ACTR3B: variants seen among roughly 807,000 people sequenced by gnomAD.
ACTR3B encodes actin-related protein 3B.
In ACTR3B, 8 loss-of-function variants were observed where a neutral mutation model predicts 59.0. The ratio of observed to expected loss-of-function variants is 0.14; its 90% CI spans 0.08 to 0.24. The LOEUF (loss-of-function observed/expected upper bound fraction) is 0.24. Among genes scored for constraint, ACTR3B ranks in the 10% least tolerant of loss-of-function variants. The probability of loss-of-function intolerance (pLI) is 1.00; values close to 1 mark genes in which losing one functional copy is unlikely to be tolerated. For synonymous variants in ACTR3B, 148 were observed against 197.9 expected, an observed-to-expected ratio of 0.75 and a Z score of 2.12; for missense variants, 245 against 552.3, an observed-to-expected ratio of 0.44 and a Z score of 5.58.
At chr7:152,816,231 G>A (rs1663336890) in intron 5 of ACTR3B, among the ~76,000 whole-genome samples, 1 of 152,200 alleles carries the variant, frequency 6.6e-6, no homozygotes, top group South Asian at 2.1e-4. Flanking sequence ...ACAGGCATGA[G>A]TCACCACAGT....
At position 152,854,440 on chromosome 7, in the gene ACTR3B, G is replaced by C. The variant is rs781421325; in HGVS notation, c.1162-18G>C. 6.2e-6 allele frequency: 10 copies of C among 1,608,944 alleles called. No individual in the cohort carries two copies. The Admixed American group carries it at 1.7e-4, about 27-fold the overall frequency. ...TTCTGAAATGAGTGTCTTTCTGTCT[G>C]CCTGTTGCCTCTCGTAGCCCGAGTT... On this transcript the variant is annotated intron_variant, in intron 11 of 11. Transcript: ENST00000256001. The surrounding 1 kb of genome is among the most constrained non-coding windows in gnomAD (Gnocchi z 4.9).
chr7:152,778,754 A>G (rs1375803862), intron 1 of ACTR3B, among the ~76,000 whole-genome samples: 1 of 151,532 alleles, frequency 6.6e-6, no homozygotes, highest in Non-Finnish European at 1.5e-5. Flanking sequence ...AATCTGGGCA[A>G]CATAGGAAGA....
intron 9 of ACTR3B, among the ~76,000 whole-genome samples, chr7:152,848,326 C>A (rs925504113): frequency 1.3e-5 from 2 of 152,202 alleles, no homozygotes; most frequent in African/African-American, 4.8e-5. Flanking sequence ...TGTTTGGGAT[C>A]CCCTGACATA....
intron 1 of ACTR3B, among the ~76,000 whole-genome samples, chr7:152,764,606 C>T (rs1265637627): frequency 6.7e-6 from 1 of 149,798 alleles, no homozygotes; most frequent in East Asian, 2.0e-4. Flanking sequence ...GAGATCGCGC[C>T]ACTGCACTCC....
intron 1 of ACTR3B, among the ~76,000 whole-genome samples, chr7:152,769,714 C>T (rs2098119563): frequency 6.6e-6 from 1 of 151,664 alleles, no homozygotes; most frequent in African/African-American, 2.4e-5. Flanking sequence ...TTTTGGTGCA[C>T]TTTAGGGCAG....
In ACTR3B at chr7:152,854,820, A is replaced by C; in HGVS notation, c.*267A>C. Reference sequence around the variant, plus strand: ...CCTCCTCCGAGCTGCTAGCTGACAAATACAATTCTGAAGGAATCCAAATGT... The same window carrying C: ...CCTCCTCCGAGCTGCTAGCTGACAACTACAATTCTGAAGGAATCCAAATGT... On this transcript the variant is annotated 3_prime_UTR_variant, in exon 12 of 12. Coordinates refer to ENST00000256001, the MANE Select transcript of ACTR3B (RefSeq NM_020445.6). This position sits in a 1 kb window ranked among gnomAD's most constrained non-coding sequence, Gnocchi z 4.9. 1 of 404,690 alleles carries C rather than the reference A, an allele frequency of 2.5e-6. No individual in the cohort carries two copies. 25.1% of individuals were successfully genotyped at this position (404,690 alleles called of 1,614,324 possible).
intron 9 of ACTR3B, among the ~76,000 whole-genome samples, chr7:152,831,340 T>C (rs1243855070): frequency 6.6e-6 from 1 of 152,122 alleles, no homozygotes; most frequent in African/African-American, 2.4e-5. Flanking sequence ...CTGCGGGCGC[T>C]GAGCAGCCAG....
intron 7 of ACTR3B, 81 bp from the exon 8 acceptor site, chr7:152,823,261 T>C (rs1382842177): frequency 6.4e-7 from 1 of 1,571,184 alleles, no homozygotes; most frequent in Non-Finnish European, 8.6e-7. Flanking sequence ...TGTTTGCTCA[T>C]GGGCTTCCTG....
chr7:152,837,811 T>C (rs1797588192), intron 9 of ACTR3B, among the ~76,000 whole-genome samples: 1 of 152,124 alleles, frequency 6.6e-6, no homozygotes, highest in Admixed American at 6.5e-5. Context: ...TGTGGTTTGC[T>C]CTCTAATTTA....
At chr7:152,835,104 C>T (rs1797339864) in intron 9 of ACTR3B, among the ~76,000 whole-genome samples, 2 of 151,822 alleles carry the variant, frequency 1.3e-5, no homozygotes, top group African/African-American at 2.4e-5. Context: ...TTGTGGGAAG[C>T]GTTTTGAGCA....
chr7:152,835,219 T>TC (rs375619651), intron 9 of ACTR3B, among the ~76,000 whole-genome samples: 1 of 152,182 alleles, frequency 6.6e-6, no homozygotes, highest in Non-Finnish European at 1.5e-5. Context: ...CTGCACTCAT[T>TC]CCCCAGCCCC....
chr7:152,840,428 A>G (rs1350921809), intron 9 of ACTR3B, among the ~76,000 whole-genome samples: 1 of 152,146 alleles, frequency 6.6e-6, no homozygotes, highest in Non-Finnish European at 1.5e-5. Flanking sequence ...CGGCCTGGTG[A>G]TGTCTTCACA....
At chr7:152,799,009 T>C (rs2098226255) in intron 2 of ACTR3B, among the ~76,000 whole-genome samples, 1 of 152,226 alleles carries the variant, frequency 6.6e-6, no homozygotes, top group Non-Finnish European at 1.5e-5. Context: ...CTTAGGATTA[T>C]TTTTTCTGTT....
chr7:152,849,084 A>G (rs1190418198), intron 9 of ACTR3B, among the ~76,000 whole-genome samples: 3 of 152,204 alleles, frequency 2.0e-5, no homozygotes, highest in African/African-American at 7.2e-5. Flanking sequence ...AATGGACGTG[A>G]CAGCGGTTTC....
intron 7 of ACTR3B, among the ~76,000 whole-genome samples, chr7:152,822,930 G>A (rs1268281639): frequency 7.2e-5 from 11 of 152,204 alleles, no homozygotes; most frequent in East Asian, 1.9e-4. Context: ...AGACAGTGCC[G>A]CACTCGGTAG....
Position 152,854,595 on chromosome 7 carries a change from A to T in ACTR3B, c.*42A>T, listed in dbSNP as rs768908419. ...TCGTTCGATGGTGTCACGTTGGGGA[A>T]CAAGTGTCCTTCAGAACCCAGAGAA... is the stretch of plus-strand genomic sequence containing the variant. On this transcript the variant is annotated 3_prime_UTR_variant, in exon 12 of 12. Coordinates refer to ENST00000256001, the MANE Select transcript of ACTR3B (RefSeq NM_020445.6). This position sits in a 1 kb window ranked among gnomAD's most constrained non-coding sequence, Gnocchi z 4.9. The T allele has an allele frequency of 6.9e-6, 11 of 1,592,510 alleles. No individual in the cohort carries two copies. In the South Asian group the frequency reaches 1.2e-4, roughly 18 times the overall value.
chr7:152,800,253 A>G (rs1207148732), intron 2 of ACTR3B, among the ~76,000 whole-genome samples: 6 of 152,280 alleles, frequency 3.9e-5, no homozygotes, highest in Non-Finnish European at 7.3e-5. Flanking sequence ...ATTTTTCCAG[A>G]TAAAACTGAG....
At chr7:152,835,653 T>C (rs1274161628) in intron 9 of ACTR3B, among the ~76,000 whole-genome samples, 14 of 152,160 alleles carry the variant, frequency 9.2e-5, no homozygotes, top group Middle Eastern at 3.4e-3. Flanking sequence ...ACATTATGGG[T>C]GAAGTGGAAT....
chr7:152,797,777 T>C (rs563374247), intron 2 of ACTR3B, among the ~76,000 whole-genome samples: 2 of 152,154 alleles, frequency 1.3e-5, no homozygotes, highest in Non-Finnish European at 2.9e-5. Context: ...AATGAGACCA[T>C]GTGATATTTG....
Sources: gnomAD v4.1 joint callset for allele counts (sites outside exome capture counted in the v4.1 genomes callset) on GRCh38, gnomAD v4.1.1 for gene constraint, Gnocchi (gnomAD v3.1) non-coding constraint, MANE v1.5 for transcripts, NCBI Gene and HGNC (gene_info 2026-07-23, HGNC 2026-07-21) for gene names.